Variants in TLCD4 observed in about 807,000 individuals in gnomAD.
TLCD4 encodes TLC domain-containing protein 4.
TLCD4 carries 7 observed loss-of-function variants against 24.2 expected under a neutral mutation model. The observed-to-expected ratio is 0.29, with a 90% CI of 0.16 to 0.54. TLCD4 has a LOEUF of 0.54. TLCD4 is among the 20% of genes least tolerant of loss of function. TLCD4 has a pLI of 0.95. For missense variants in TLCD4, 259 were observed against 313.9 expected, an observed-to-expected ratio of 0.82 and a Z score of 1.32; for synonymous variants, 103 against 106.4, an observed-to-expected ratio of 0.97 and a Z score of 0.20.
intron 6 of TLCD4, among the ~76,000 whole-genome samples, chr1:95,191,342 A>G (rs979663817): frequency 2.6e-5 from 4 of 152,196 alleles, no homozygotes; most frequent in Admixed American, 1.3e-4. Context: ...CACTAACACC[A>G]TGCTGACTTG....
chr1:95,139,378 A>T lies in TLCD4; in HGVS notation c.-11-4513A>T, dbSNP rs923053646. Among the ~76,000 whole-genome samples, 4 of 151,634 alleles carry T rather than the reference A, an allele frequency of 2.6e-5. No homozygotes were observed. In the South Asian group the frequency reaches 8.3e-4, roughly 31 times the overall value. ...ACTTAGGCAACACTAAATTGATTTT[A>T]AAAATTTCTTTTTTCAATAAATTAA... is the stretch of plus-strand genomic sequence containing the variant. On this transcript the variant is annotated intron_variant, in intron 1 of 6. Coordinates refer to ENST00000370203, the MANE Select transcript of TLCD4 (RefSeq NM_152487.3).
In TLCD4 at chr1:95,197,013, T is replaced by G. The variant is rs1229614797; in HGVS notation, c.*5145T>G. 2 of 152,164 alleles carry G rather than the reference T, an allele frequency of 1.3e-5. No individual in the cohort carries two copies. Among genetic ancestry groups the G allele is most frequent in the Admixed American group, 6.5e-5 (1 of 15,274 alleles). 9.4% of individuals were successfully genotyped at this position (152,164 alleles called of 1,614,324 possible). A position where few individuals can be genotyped will look rare whatever the true frequency, so the allele number is the denominator to read the frequency against. ...TTTAGATTTTATTTGAAAAAGCTACTTGGAAAGCAGTAAATAGAACTATAG... is the reference window on the plus strand; with the variant it reads ...TTTAGATTTTATTTGAAAAAGCTACGTGGAAAGCAGTAAATAGAACTATAG... On this transcript the variant is annotated 3_prime_UTR_variant, in exon 7 of 7. Transcript: ENST00000370203.
At chr1:95,190,928 GTCTTT>G (rs539547903) in intron 6 of TLCD4, among the ~76,000 whole-genome samples, 1 of 152,124 alleles carries the variant, frequency 6.6e-6, no homozygotes, top group Non-Finnish European at 1.5e-5. Flanking sequence ...GTGTGTGGTT[GTCTTT>G]TCTTTAACAG....
At chr1:95,131,942 C>T (rs533486788) in intron 1 of TLCD4, among the ~76,000 whole-genome samples, 2 of 152,280 alleles carry the variant, frequency 1.3e-5, no homozygotes, top group South Asian at 4.1e-4. Context: ...AGTGAGTTCT[C>T]ATTCTGGCAA....
intron 5 of TLCD4, among the ~76,000 whole-genome samples, chr1:95,158,372 G>A (rs1677690035): frequency 6.6e-6 from 1 of 151,312 alleles, no homozygotes; most frequent in African/African-American, 2.4e-5. Flanking sequence ...CTATAGAGAT[G>A]GGGTCAGCCT....
intron 5 of TLCD4, among the ~76,000 whole-genome samples, chr1:95,165,793 A>G (rs1001112586): frequency 4.6e-5 from 7 of 152,126 alleles, no homozygotes; most frequent in Non-Finnish European, 1.5e-5. Flanking sequence ...AAGGATATTG[A>G]TTCATTCTGC....
At chr1:95,173,765 AT>A in intron 5 of TLCD4, 50 bp from the exon 6 acceptor site, 1 of 1,611,704 alleles carries the variant, frequency 6.2e-7, no homozygotes, top group South Asian at 1.1e-5. Flanking sequence ...GTATTTGGGA[AT>A]TTTGTTAAGA....
At chr1:95,131,780 T>A (rs1449742286) in intron 1 of TLCD4, among the ~76,000 whole-genome samples, 1 of 152,218 alleles carries the variant, frequency 6.6e-6, no homozygotes, top group Non-Finnish European at 1.5e-5. Flanking sequence ...TCTGAATGTA[T>A]GGTGCAATAG....
At chr1:95,137,371 T>C (rs1677072975) in intron 1 of TLCD4, among the ~76,000 whole-genome samples, 1 of 152,126 alleles carries the variant, frequency 6.6e-6, no homozygotes, top group African/African-American at 2.4e-5. Flanking sequence ...CACAGACCCA[T>C]CCCCTTCTTT....
At chr1:95,093,406 AGTG>A in the TLCD4 span, among the ~76,000 whole-genome samples, 1 of 152,214 alleles carries the variant, frequency 6.6e-6, no homozygotes, top group Non-Finnish European at 1.5e-5. Flanking sequence ...TTGGGTTGAA[AGTG>A]GGGATTGAGT....
At chr1:95,126,267 A>T (rs1254461201) in intron 1 of TLCD4, among the ~76,000 whole-genome samples, 1 of 151,934 alleles carries the variant, frequency 6.6e-6, no homozygotes, top group East Asian at 1.9e-4. Flanking sequence ...TCTCCACCAA[A>T]AAATACAAAA....
chr1:95,093,157 C>G, the TLCD4 span, among the ~76,000 whole-genome samples: 11 of 152,314 alleles, frequency 7.2e-5, no homozygotes, highest in South Asian at 2.1e-4. Flanking sequence ...CCAACATCCA[C>G]TTCAATTTTT....
intron 6 of TLCD4, among the ~76,000 whole-genome samples, chr1:95,175,015 A>G (rs768895786): frequency 6.6e-6 from 1 of 152,132 alleles, no homozygotes; most frequent in South Asian, 2.1e-4. Flanking sequence ...ACCTCAATTG[A>G]TCCACCCGCT....
chr1:95,094,975 G>A, the TLCD4 span, among the ~76,000 whole-genome samples: 1 of 152,150 alleles, frequency 6.6e-6, no homozygotes, highest in Admixed American at 6.5e-5. Context: ...GACTACACGA[G>A]TTTAAATTCT....
the TLCD4 span, among the ~76,000 whole-genome samples, chr1:95,109,342 TTAAA>T: frequency 6.6e-6 from 1 of 151,900 alleles, no homozygotes; most frequent in African/African-American, 2.4e-5. Context: ...GACCCTGACT[TTAAA>T]TAAATAAATA....
chr1:95,137,250 C>T (rs540042432), intron 1 of TLCD4, among the ~76,000 whole-genome samples: 1 of 152,120 alleles, frequency 6.6e-6, no homozygotes, highest in African/African-American at 2.4e-5. Context: ...TATTTGGAGT[C>T]AATGTGGGAA....
intron 1 of TLCD4, among the ~76,000 whole-genome samples, chr1:95,140,184 C>A (rs1407858067): frequency 6.6e-6 from 1 of 152,140 alleles, no homozygotes; most frequent in Non-Finnish European, 1.5e-5. Flanking sequence ...AAGCCAGTAA[C>A]ATAGTCATTT....
intron 5 of TLCD4, chr1:95,164,817 A>G (rs1677957694): frequency 1.3e-5 from 2 of 152,206 alleles, no homozygotes; most frequent in Admixed American, 6.5e-5. Flanking sequence ...ACACATAGAA[A>G]ATCAGTAAAA....
intron 1 of TLCD4, among the ~76,000 whole-genome samples, chr1:95,122,948 T>A (rs1361093516): frequency 1.3e-5 from 2 of 152,134 alleles, no homozygotes; most frequent in Non-Finnish European, 2.9e-5. Context: ...GTTCTTTTTA[T>A]AAAGTGTTAC....
Sources: allele counts gnomAD v4.1 joint callset (sites outside exome capture counted in the v4.1 genomes callset), GRCh38; gene constraint gnomAD v4.1.1; transcripts MANE v1.5; gene names NCBI Gene and HGNC (gene_info 2026-07-23, HGNC 2026-07-21).